Variants in TTC23 observed in about 807,000 individuals in gnomAD.
TTC23 encodes tetratricopeptide repeat protein 23.
A neutral mutation model predicts 55.1 loss-of-function variants in TTC23; 58 were observed. That is an observed-to-expected ratio of 1.05 (90% CI 0.85 to 1.31). The LOEUF is 1.31. TTC23 is among the 50% of genes most tolerant of loss of function. TTC23 has a pLI of 0.00. For missense variants in TTC23, 516 were observed against 534.4 expected (o/e 0.97, Z 0.34); for synonymous variants, 203 against 199.9 (o/e 1.02, Z -0.13).
chr15:99,178,531 T>A (rs1439629362), intron 9 of TTC23, among the ~76,000 whole-genome samples: 1 of 152,240 alleles, frequency 6.6e-6, no homozygotes, highest in Non-Finnish European at 1.5e-5. Context: ...TGCCAGATAT[T>A]GTGCTAACAT....
chr15:99,197,403 G>A lies in TTC23; in HGVS notation c.759+2516C>T, dbSNP rs559990024. ...AGGTGTGAGCCACCACGCCCGGCCT[G>A]GTTTCTGTTCTTATCATCACCCCAG... On this transcript the variant is annotated intron_variant, in intron 9 of 13. Coordinates refer to ENST00000394132, the MANE Select transcript of TTC23 (RefSeq NM_001288615.3). Among the ~76,000 whole-genome samples the A allele has an allele frequency of 1.4e-4, 22 of 151,908 alleles. 1 individual carries two copies. The South Asian group carries it at 4.2e-3, about 29-fold the overall frequency.
intron 8 of TTC23, among the ~76,000 whole-genome samples, chr15:99,214,394 A>C (rs1318111426): frequency 6.6e-6 from 1 of 151,210 alleles, no homozygotes; most frequent in African/African-American, 2.4e-5. Flanking sequence ...TGTAGTCCCC[A>C]CTACTCGGGA....
upstream of TTC23, among the ~76,000 whole-genome samples, chr15:99,250,335 T>C (rs1347371566): frequency 6.6e-6 from 1 of 152,244 alleles, no homozygotes; most frequent in Non-Finnish European, 1.5e-5. Flanking sequence ...TCATACCTTG[T>C]TTTAAAACCA....
intron 10 of TTC23, among the ~76,000 whole-genome samples, chr15:99,174,607 A>G (rs2073326964): frequency 6.6e-6 from 1 of 152,258 alleles, no homozygotes; most frequent in Non-Finnish European, 1.5e-5. Context: ...AAAGCCATAA[A>G]TGGCAACTTC....
intron 5 of TTC23, among the ~76,000 whole-genome samples, chr15:99,227,554 T>C (rs1304709706): frequency 1.3e-5 from 2 of 152,242 alleles, no homozygotes; most frequent in Non-Finnish European, 2.9e-5. Flanking sequence ...GCTCATGGCA[T>C]GCTTCTGCTT....
chr15:99,176,703 T>C (rs1189245157), intron 9 of TTC23, among the ~76,000 whole-genome samples: 1 of 152,200 alleles, frequency 6.6e-6, no homozygotes, highest in Non-Finnish European at 1.5e-5. Context: ...AGCTGCACTT[T>C]AATTCTTTTT....
intron 9 of TTC23, among the ~76,000 whole-genome samples, chr15:99,189,592 G>A (rs1444449625): frequency 6.6e-6 from 1 of 151,900 alleles, no homozygotes; most frequent in African/African-American, 2.4e-5. Context: ...TCACAAGAAG[G>A]TACAATATCC....
intron 9 of TTC23, among the ~76,000 whole-genome samples, chr15:99,182,223 A>ATC (rs147417590): frequency 0.045 from 5,925 of 130,814 alleles, 124 homozygotes; most frequent in Non-Finnish European, 0.049. Flanking sequence ...TGTTCCAGAA[A>ATC]TCTCTCTCTC....
chr15:99,214,156 C>A (rs1456552851), intron 8 of TTC23, among the ~76,000 whole-genome samples: 1 of 152,038 alleles, frequency 6.6e-6, no homozygotes, highest in Non-Finnish European at 1.5e-5. Context: ...GCTTTGTCAT[C>A]CAGGCTGGAG....
intron 10 of TTC23, among the ~76,000 whole-genome samples, chr15:99,170,328 G>T (rs1360975528): frequency 2.0e-5 from 3 of 152,044 alleles, no homozygotes; most frequent in African/African-American, 7.3e-5. Flanking sequence ...GCCTTCAATG[G>T]GCATTTCGCA....
At chr15:99,146,332 C>T (rs1567319868) in intron 12 of TTC23, among the ~76,000 whole-genome samples, 1 of 152,334 alleles carries the variant, frequency 6.6e-6, no homozygotes, top group Non-Finnish European at 1.5e-5. Context: ...TTCTGAGCTG[C>T]CTTCTCTTGG....
rs1391977611 is a variant in TTC23 at position 99,228,526 on chromosome 15, T to A, written c.180+7A>T. 6.3e-7 allele frequency: 1 copy of A among 1,599,570 alleles called. No individual in the cohort carries two copies. The highest frequency in any genetic ancestry group is 8.5e-7 in the Non-Finnish European group (1 of 1,172,418). On this transcript the variant is annotated splice_region_variant and intron_variant, in intron 5 of 13. Coordinates refer to ENST00000394132, the MANE Select transcript of TTC23 (RefSeq NM_001288615.3). ...GAGTAGAAATACAGAAACAAAAGTC[T>A]CCTTACCTCATGACTGTTGGAATAG...
At chr15:99,175,197 G>A in intron 9 of TTC23, 42 bp from the exon 10 acceptor site, 1 of 1,504,112 alleles carries the variant, frequency 6.6e-7, no homozygotes, top group South Asian at 1.1e-5. Context: ...TACATACTTG[G>A]CAGCAGCAGC....
At chr15:99,198,695 T>C (rs559668926) in intron 9 of TTC23, among the ~76,000 whole-genome samples, 17 of 152,298 alleles carry the variant, frequency 1.1e-4, no homozygotes, top group East Asian at 3.9e-4. Context: ...GAAATAATCA[T>C]GTGTCACAGG....
rs111397735 is a variant in TTC23, at chr15:99,205,094, A to T, written c.582-4998T>A. ...GTATGTTCTTGGCACCTTTGTAAAA[A>T]ATGAGTTGACTGTAAATGCATGGAT... On this transcript the variant is annotated intron_variant, in intron 8 of 13. Transcript: ENST00000394132. Among the ~76,000 whole-genome samples, 249 of 152,282 alleles carry T rather than the reference A, an allele frequency of 1.6e-3. 3 individuals carry two copies. Among genetic ancestry groups the T allele is most frequent in the African/African-American group, 5.6e-3 (231 of 41,574 alleles).
intron 9 of TTC23, among the ~76,000 whole-genome samples, chr15:99,198,361 C>A (rs2075918149): frequency 6.6e-6 from 1 of 152,170 alleles, no homozygotes; most frequent in Non-Finnish European, 1.5e-5. Flanking sequence ...CTCTTCCCTT[C>A]CTTCTTTCCC....
chr15:99,148,902 G>GTGTGTGC (rs1170800678), intron 12 of TTC23, among the ~76,000 whole-genome samples: 1 of 152,220 alleles, frequency 6.6e-6, no homozygotes, highest in African/African-American at 2.4e-5. Context: ...ATCCTGCTGT[G>GTGTGTGC]TGTGTGCCTT....
chr15:99,204,223 A>G (rs1023974903), intron 8 of TTC23, among the ~76,000 whole-genome samples: 2 of 151,986 alleles, frequency 1.3e-5, no homozygotes, highest in African/African-American at 4.8e-5. Flanking sequence ...TTTGATTTGC[A>G]TTTCTGTGAT....
At chr15:99,141,490 T>A (rs2068226149) in intron 12 of TTC23, among the ~76,000 whole-genome samples, 1 of 152,212 alleles carries the variant, frequency 6.6e-6, no homozygotes, top group Non-Finnish European at 1.5e-5. Context: ...TTATTTCTTA[T>A]ACTGAATGGT....
Sources: allele counts gnomAD v4.1 joint callset (sites outside exome capture counted in the v4.1 genomes callset), GRCh38; gene constraint gnomAD v4.1.1; transcripts MANE v1.5; gene names NCBI Gene and HGNC (gene_info 2026-07-23, HGNC 2026-07-21).